The following SPOCK3 variants were observed in gnomAD, a reference collection of about 807,000 sequenced individuals.
SPOCK3 encodes testican-3.
SPOCK3 carries 30 observed loss-of-function variants against 56.6 expected under a neutral mutation model. The ratio of observed to expected loss-of-function variants is 0.53; its 90% CI spans 0.40 to 0.72. The LOEUF (loss-of-function observed/expected upper bound fraction) is 0.72, where lower values mean the gene tolerates loss of function less well. Ranked by LOEUF, SPOCK3 falls within the 30% of genes least tolerant of loss-of-function variation. The pLI is 0.00. For synonymous variants in SPOCK3, 196 were observed against 183.3 expected (o/e 1.07, Z -0.56); for missense variants, 527 against 530.0 (o/e 0.99, Z 0.06).
rs537659520 is a variant in SPOCK3 at position 166,775,867 on chromosome 4, G to A, written c.709+16303C>T. ...AAACACTGTAAAGAGTGGGGCACAC[G>A]CATGAAGAATACTAAATATGGAACA... On this transcript the variant is annotated intron_variant, in intron 7 of 10. Transcript: ENST00000357545. Among the ~76,000 whole-genome samples, 35 of 152,248 alleles carry A rather than the reference G, an allele frequency of 2.3e-4. No homozygotes were observed. In the East Asian group the frequency reaches 3.7e-3, roughly 16 times the overall value.
intron 4 of SPOCK3, among the ~76,000 whole-genome samples, chr4:166,988,329 A>C (rs191369454): frequency 9.9e-5 from 15 of 152,264 alleles, no homozygotes; most frequent in African/African-American, 2.9e-4. Context: ...ACTCTACTGG[A>C]TGCTTTCTCT....
intron 5 of SPOCK3, among the ~76,000 whole-genome samples, chr4:166,911,757 C>T (rs1448534723): frequency 6.6e-6 from 1 of 151,978 alleles, no homozygotes; most frequent in African/African-American, 2.4e-5. Flanking sequence ...AGGCTGGTCT[C>T]AAACTCCTGA....
At chr4:167,186,045 T>C (rs1233328040) in intron 2 of SPOCK3, among the ~76,000 whole-genome samples, 1 of 152,128 alleles carries the variant, frequency 6.6e-6, no homozygotes, top group Non-Finnish European at 1.5e-5. Flanking sequence ...TAAAAGTAGA[T>C]GATATTGATA....
At chr4:167,013,121 A>G (rs1356494719) in intron 3 of SPOCK3, among the ~76,000 whole-genome samples, 1 of 152,008 alleles carries the variant, frequency 6.6e-6, no homozygotes, top group African/African-American at 2.4e-5. Flanking sequence ...GTGAAAGGCT[A>G]CCTATTAGCA....
rs535998578 is a variant in SPOCK3 at position 166,763,294 on chromosome 4, C to T, written c.710-8565G>A. Among the ~76,000 whole-genome samples, 3 of 151,998 alleles carry T rather than the reference C, an allele frequency of 2.0e-5. No individual in the cohort carries two copies. In the East Asian group the frequency reaches 5.8e-4, roughly 29 times the overall value. ...GTACTCAAACAAAGAAAAAGCCATA[C>T]CTAGCAAGATTATCTTTCAAAAATT... On this transcript the variant is annotated intron_variant, in intron 7 of 10. Coordinates refer to ENST00000357545, the MANE Select transcript of SPOCK3 (RefSeq NM_001040159.2).
At chr4:167,169,916 G>C (rs1376758811) in intron 2 of SPOCK3, among the ~76,000 whole-genome samples, 1 of 152,068 alleles carries the variant, frequency 6.6e-6, no homozygotes, top group African/African-American at 2.4e-5. Flanking sequence ...GAGTTCCTCT[G>C]CACAAGCTCT....
intron 9 of SPOCK3, among the ~76,000 whole-genome samples, chr4:166,741,448 A>G (rs1002967752): frequency 2.6e-5 from 4 of 152,198 alleles, no homozygotes; most frequent in African/African-American, 4.8e-5. Context: ...CTCATATGTA[A>G]CAGTTTAATA....
At chr4:166,801,816 A>C (rs555590339) in intron 6 of SPOCK3, among the ~76,000 whole-genome samples, 29 of 152,182 alleles carry the variant, frequency 1.9e-4, no homozygotes, top group Non-Finnish European at 3.1e-4. Context: ...CTCCAATATA[A>C]AGTAGCATAA....
intron 6 of SPOCK3, among the ~76,000 whole-genome samples, chr4:166,865,795 G>A (rs1355770411): frequency 6.6e-6 from 1 of 152,004 alleles, no homozygotes; most frequent in East Asian, 1.9e-4. Context: ...ACAAACAAAT[G>A]GAAAAACATT....
chr4:166,862,649 T>C (rs2126915046), intron 6 of SPOCK3, among the ~76,000 whole-genome samples: 1 of 152,216 alleles, frequency 6.6e-6, no homozygotes, highest in Non-Finnish European at 1.5e-5. Flanking sequence ...AAATGCTTTG[T>C]TAATACTACA....
chr4:167,024,474 T>A (rs1751502975), intron 3 of SPOCK3, among the ~76,000 whole-genome samples: 4 of 152,084 alleles, frequency 2.6e-5, no homozygotes, highest in Admixed American at 2.6e-4. Context: ...TATTAGATTA[T>A]GTAAGAGATG....
At chr4:167,165,598 A>C (rs571429886) in intron 2 of SPOCK3, among the ~76,000 whole-genome samples, 1 of 152,262 alleles carries the variant, frequency 6.6e-6, no homozygotes, top group East Asian at 1.9e-4. Context: ...ACCTCTTTCA[A>C]TGTTAAATTT....
chr4:167,085,137 C>G (rs1157956469), intron 2 of SPOCK3, among the ~76,000 whole-genome samples: 9 of 151,128 alleles, frequency 6.0e-5, no homozygotes, highest in African/African-American at 1.7e-4. Context: ...AAGTAATAAC[C>G]CCAGTTCATT....
At chr4:167,169,942 G>A (rs1457369651) in intron 2 of SPOCK3, among the ~76,000 whole-genome samples, 1 of 152,124 alleles carries the variant, frequency 6.6e-6, no homozygotes, top group African/African-American at 2.4e-5. Context: ...CTGCCACCAT[G>A]TAAGATGTGA....
chr4:167,136,306 A>T (rs1430895022), intron 2 of SPOCK3, among the ~76,000 whole-genome samples: 1 of 152,162 alleles, frequency 6.6e-6, no homozygotes, highest in Non-Finnish European at 1.5e-5. Flanking sequence ...GATATGACGC[A>T]AAGATTAAAA....
intron 4 of SPOCK3, among the ~76,000 whole-genome samples, chr4:166,977,767 A>G (rs577355222): frequency 6.6e-6 from 1 of 152,136 alleles, no homozygotes; most frequent in Non-Finnish European, 1.5e-5. Flanking sequence ...GATAGTCACT[A>G]ACTTTTTTTC....
chr4:167,057,289 C>T (rs960657089), intron 3 of SPOCK3, among the ~76,000 whole-genome samples: 2 of 152,118 alleles, frequency 1.3e-5, no homozygotes, highest in African/African-American at 4.8e-5. Flanking sequence ...CAAGGAAGCA[C>T]TAAACATGGA....
chr4:166,840,446 C>T (rs1256046047), intron 6 of SPOCK3, among the ~76,000 whole-genome samples: 1 of 152,094 alleles, frequency 6.6e-6, no homozygotes, highest in Non-Finnish European at 1.5e-5. Context: ...CTGTCCTTGC[C>T]CTTTGGCTAC....
chr4:167,195,782 G>C (rs1490952690), intron 2 of SPOCK3, among the ~76,000 whole-genome samples: 1 of 152,182 alleles, frequency 6.6e-6, no homozygotes. Context: ...GGTCAAGGAA[G>C]CTCTGCCACC....
Sources: gnomAD v4.1 joint callset for allele counts (sites outside exome capture counted in the v4.1 genomes callset) on GRCh38, gnomAD v4.1.1 for gene constraint, MANE v1.5 for transcripts, NCBI Gene and HGNC (gene_info 2026-07-23, HGNC 2026-07-21) for gene names.